CFI: variants seen among roughly 807,000 people sequenced by gnomAD.
CFI encodes the protein C3B/C4B inactivator.
CFI carries 66 observed loss-of-function variants against 78.8 expected under a neutral mutation model. The ratio of observed to expected loss-of-function variants is 0.84; its 90% confidence interval spans 0.69 to 1.03. The LOEUF is 1.03. Ranked by LOEUF, CFI falls within the 50% of genes least tolerant of loss-of-function variation. The pLI, the probability that CFI is intolerant of heterozygous loss-of-function variation, is 0.00. For synonymous variants in CFI, 250 were observed against 232.6 expected, an observed-to-expected ratio of 1.07 and a Z score of -0.68; for missense variants, 706 against 704.5, an observed-to-expected ratio of 1.00 and a Z score of -0.02.
chr4:109,788,877 T>A (rs1731047656), intron 1 of CFI, among the ~76,000 whole-genome samples: 1 of 151,992 alleles, frequency 6.6e-6, no homozygotes. Flanking sequence ...ATCAGAGAAG[T>A]CATAAAATAT....
At position 109,753,067 on chromosome 4, in the gene CFI, T is replaced by TATTTATAATATATATTTATTATATAAAC. The variant is rs1561292385; in HGVS notation, c.905-565_905-564insGTTTATATAATAAATATATATTATAAAT. On this transcript the variant is annotated intron_variant, in intron 7 of 12. Transcript: ENST00000394634. ...TATTTATTATATATTTATATATAAATAAATATTTATAATATATATTTATTA... is the reference window on the plus strand; with the variant it reads ...TATTTATTATATATTTATATATAAATATTTATAATATATATTTATTATATAAACAAATATTTATAATATATATTTATTA... 8.3e-4 allele frequency among the ~76,000 whole-genome samples: 72 copies of TATTTATAATATATATTTATTATATAAAC among 86,506 alleles called. 14 individuals are homozygous for TATTTATAATATATATTTATTATATAAAC. The highest frequency in any genetic ancestry group is 3.2e-3 in the African/African-American group (55 of 16,992). The allele number at this position is 86,506 out of a possible 152,430, so 56.8% of individuals were successfully genotyped here.
rs368054438 is a variant in CFI at position 109,801,975 on chromosome 4, G to A, written c.-4C>T. 12 of 1,610,518 alleles carry A rather than the reference G, an allele frequency of 7.5e-6. No homozygotes were observed. Among genetic ancestry groups the A allele is most frequent in the Non-Finnish European group, 7.6e-6 (9 of 1,177,058 alleles). ...GGAAAACATGAAGAAGCTTCATGTT[G>A]GAGGTGTTCGGGGTCTTTGTCTCTG... is the stretch of plus-strand genomic sequence containing the variant. On this transcript the variant is annotated 5_prime_UTR_variant, in exon 1 of 13. Transcript: ENST00000394634.
downstream of CFI, among the ~76,000 whole-genome samples, chr4:109,739,718 G>A (rs781502773): frequency 5.6e-4 from 85 of 152,210 alleles, no homozygotes; most frequent in Non-Finnish European, 7.2e-4. Context: ...GTGAGTCACC[G>A]GACTGTAGGC....
At chr4:109,768,606 G>A (rs937694392) in intron 1 of CFI, among the ~76,000 whole-genome samples, 7 of 152,106 alleles carry the variant, frequency 4.6e-5, no homozygotes, top group African/African-American at 1.7e-4. Context: ...GGCCAATTGG[G>A]CCAAAAGCCA....
intron 1 of CFI, among the ~76,000 whole-genome samples, chr4:109,778,047 A>T (rs142093414): frequency 0.029 from 4,339 of 151,828 alleles, 187 homozygotes; most frequent in African/African-American, 0.089. Context: ...TCTAAAATTG[A>T]CACCCTAAAA....
In CFI at chr4:109,764,591, C is replaced by T; in HGVS notation, c.428G>A (p.Ser143Asn). The change falls in exon 3 of 13, where the codon AGC becomes AAC. Residue 143 changes from serine to asparagine, a missense_variant. Transcript: ENST00000394634. ...GTTGGCTTCCCTCATGCTCCAGCTG[C>T]TTTTGCATATGAACATTGTCTTATC... is the stretch of plus-strand genomic sequence containing the variant. ...DQDKTMFICK[S>N]SWSMREANVA... 1 of 1,614,156 alleles carries T rather than the reference C, an allele frequency of 6.2e-7. No homozygotes were observed. The highest frequency in any genetic ancestry group is 8.5e-7 in the Non-Finnish European group (1 of 1,180,026).
chr4:109,732,031 C>CAACTCTTCCAGAGA, the CFI span, among the ~76,000 whole-genome samples: 9 of 151,884 alleles, frequency 5.9e-5, no homozygotes, highest in African/African-American at 2.2e-4. Context: ...TTGGTTCTTA[C>CAACTCTTCCAGAGA]AACTCCCTAG....
chr4:109,752,348 T>C, intron 8 of CFI, 120 bp downstream of exon 8: 1 of 851,614 alleles, frequency 1.2e-6, no homozygotes, highest in East Asian at 2.7e-5. Flanking sequence ...TGTTATATTT[T>C]TTAATTTAAA....
At chr4:109,739,855 G>A (rs187477148), downstream of CFI, among the ~76,000 whole-genome samples, 181 of 152,266 alleles carry the variant, frequency 1.2e-3, 1 homozygote, top group African/African-American at 3.9e-3. Context: ...ATGCTGCTGC[G>A]ATGAGAACAG....
In CFI at chr4:109,780,356, C is replaced by G. The variant is rs540830705; in HGVS notation, c.58-13532G>C. Among the ~76,000 whole-genome samples, 24 of 152,206 alleles carry G rather than the reference C, an allele frequency of 1.6e-4. No individual in the cohort carries two copies. In the South Asian group the frequency reaches 4.8e-3, roughly 30 times the overall value. On this transcript the variant is annotated intron_variant, in intron 1 of 12. Coordinates refer to ENST00000394634, the MANE Select transcript of CFI (RefSeq NM_000204.5). ...TCGAAGGATATGAAGAGACACTTCT[C>G]AAAAGAAGACATTTATGCAGCCAAC...
At chr4:109,785,171 C>T (rs1281996815) in intron 1 of CFI, among the ~76,000 whole-genome samples, 2 of 152,072 alleles carry the variant, frequency 1.3e-5, no homozygotes, top group South Asian at 2.1e-4. Flanking sequence ...ACTCTCTTTT[C>T]GGACTCAGCC....
At chr4:109,784,806 G>A (rs1305876945) in intron 1 of CFI, among the ~76,000 whole-genome samples, 1 of 152,020 alleles carries the variant, frequency 6.6e-6, no homozygotes, top group African/African-American at 2.4e-5. Context: ...TCTTTCTCAA[G>A]TATCTTTTGT....
intron 1 of CFI, among the ~76,000 whole-genome samples, chr4:109,774,576 T>G (rs1016293955): frequency 7.9e-5 from 12 of 151,602 alleles, no homozygotes; most frequent in Admixed American, 5.9e-4. Flanking sequence ...ATTGGAGGAG[T>G]GGGTGACAGA....
At chr4:109,784,192 A>T (rs920676435) in intron 1 of CFI, among the ~76,000 whole-genome samples, 47 of 152,170 alleles carry the variant, frequency 3.1e-4, no homozygotes, top group East Asian at 7.7e-4. Context: ...GAAAAATAAA[A>T]AAATAAATAA....
chr4:109,786,670 A>G (rs1255258438), intron 1 of CFI, among the ~76,000 whole-genome samples: 2 of 152,092 alleles, frequency 1.3e-5, no homozygotes, highest in Non-Finnish European at 2.9e-5. Flanking sequence ...TTCTATTGCT[A>G]ATTAGCTGTG....
rs17610314 is a variant in CFI, at chr4:109,761,797, A to T, written c.483-105T>A. 1.1e-5 allele frequency: 10 copies of T among 943,368 alleles called. No homozygotes were observed. In the Admixed American group the frequency reaches 1.1e-4, roughly 10 times the overall value. 58.4% of individuals were successfully genotyped at this position (943,368 alleles called of 1,614,324 possible). A position where few individuals can be genotyped will look rare whatever the true frequency, so the allele number is the denominator to read the frequency against. ...CTAGAGTAATGTCCTCTCATTCTCTATATAGGAGTTACAGCTTGGGCAAGA... is the reference window on the plus strand; with the variant it reads ...CTAGAGTAATGTCCTCTCATTCTCTTTATAGGAGTTACAGCTTGGGCAAGA... On this transcript the variant is annotated intron_variant, in intron 3 of 12. Coordinates refer to ENST00000394634, the MANE Select transcript of CFI (RefSeq NM_000204.5).
chr4:109,778,018 C>G (rs2125839003), intron 1 of CFI, among the ~76,000 whole-genome samples: 1 of 151,662 alleles, frequency 6.6e-6, no homozygotes, highest in East Asian at 2.0e-4. Context: ...TAAATGCCCA[C>G]AAGAGAAAGC....
intron 1 of CFI, among the ~76,000 whole-genome samples, chr4:109,779,196 C>T (rs1729670078): frequency 6.6e-6 from 1 of 152,018 alleles, no homozygotes; most frequent in Non-Finnish European, 1.5e-5. Context: ...TCAAATTGTC[C>T]CTGTTTGCAG....
chr4:109,795,634 A>G (rs951425799), intron 1 of CFI, among the ~76,000 whole-genome samples: 4 of 152,208 alleles, frequency 2.6e-5, no homozygotes, highest in Non-Finnish European at 4.4e-5. Flanking sequence ...ATAATTCATG[A>G]GCAAAATGAG....
Sources: gnomAD v4.1 joint callset for allele counts (sites outside exome capture counted in the v4.1 genomes callset) on GRCh38, gnomAD v4.1.1 for gene constraint, MANE v1.5 for transcripts, NCBI Gene and HGNC (gene_info 2026-07-23, HGNC 2026-07-21) for gene names.